ANO1: variants seen among roughly 807,000 people sequenced by gnomAD.
ANO1 encodes the protein anoctamin-1.
ANO1 carries 59 observed loss-of-function variants against 124.0 expected under a neutral mutation model. That is an observed-to-expected ratio of 0.48 (90% CI 0.39 to 0.59). The LOEUF is 0.59. Among genes scored for constraint, ANO1 ranks in the 20% least tolerant of loss-of-function variants. The pLI, the probability that ANO1 is intolerant of heterozygous loss-of-function variation, is 0.00. For synonymous variants in ANO1, 529 were observed against 532.0 expected, an observed-to-expected ratio of 0.99 and a Z score of 0.08; for missense variants, 1,059 against 1,328.0, an observed-to-expected ratio of 0.80 and a Z score of 3.15.
the ANO1 span, among the ~76,000 whole-genome samples, chr11:69,967,457 GC>G: frequency 6.6e-6 from 1 of 152,256 alleles, no homozygotes; most frequent in African/African-American, 2.4e-5. Context: ...TTGGGGCCAG[GC>G]CCCCGCATTC....
At chr11:69,984,545 T>C (rs1855993594), upstream of ANO1, among the ~76,000 whole-genome samples, 1 of 152,006 alleles carries the variant, frequency 6.6e-6, no homozygotes, top group African/African-American at 2.4e-5. Context: ...GCAGGAAACA[T>C]GTCTTTGTGG....
intron 1 of ANO1, among the ~76,000 whole-genome samples, chr11:70,002,618 C>T (rs1200840553): frequency 6.6e-6 from 1 of 152,220 alleles, no homozygotes; most frequent in Non-Finnish European, 1.5e-5. Flanking sequence ...TGTGTAAGAA[C>T]ACTCTATGTT....
chr11:70,149,937 C>A (rs1181066582), intron 12 of ANO1, 145 bp downstream of exon 12: 11 of 815,504 alleles, frequency 1.3e-5, no homozygotes, highest in Non-Finnish European at 1.6e-5. Context: ...TCCCCCACCC[C>A]CTGCCTGCCT....
At chr11:69,980,512 T>C in the ANO1 span, among the ~76,000 whole-genome samples, 11,402 of 151,662 alleles carry the variant, frequency 0.075, 757 homozygotes, top group Admixed American at 0.14. Flanking sequence ...TCCCAGCTAC[T>C]TGGGAGGCTG....
chr11:69,997,542 G>A (rs939119252), intron 1 of ANO1, among the ~76,000 whole-genome samples: 20 of 152,164 alleles, frequency 1.3e-4, no homozygotes, highest in South Asian at 2.1e-4. Context: ...CTCTCCCCCC[G>A]TCCCAACGGC....
At chr11:70,185,471 C>A in intron 24 of ANO1, 119 bp from the exon 25 acceptor site, 1 of 850,612 alleles carries the variant, frequency 1.2e-6, no homozygotes, top group Non-Finnish European at 1.8e-6. Context: ...GGCTGCCCTC[C>A]CGGAGGCAGC....
intron 1 of ANO1, among the ~76,000 whole-genome samples, chr11:70,036,657 G>C (rs1254907373): frequency 1.3e-5 from 2 of 152,096 alleles, no homozygotes; most frequent in Non-Finnish European, 2.9e-5. Context: ...GCCCAGGCTG[G>C]AGTGCAGTAG....
At chr11:69,992,108 G>A (rs1452784195) in intron 1 of ANO1, among the ~76,000 whole-genome samples, 1 of 152,218 alleles carries the variant, frequency 6.6e-6, no homozygotes, top group African/African-American at 2.4e-5. Context: ...GGCCATGGCA[G>A]GCCTGGTGAA....
At chr11:70,099,787 G>T (rs1333965926) in intron 2 of ANO1, among the ~76,000 whole-genome samples, 1 of 152,198 alleles carries the variant, frequency 6.6e-6, no homozygotes, top group Admixed American at 6.5e-5. Flanking sequence ...GTGATACCCA[G>T]TTTGCGATGA....
At position 70,111,717 on chromosome 11, in the gene ANO1, C is replaced by T; in HGVS notation, c.810C>T (p.Ser270=). 1 of 1,614,046 alleles carries T rather than the reference C, an allele frequency of 6.2e-7. No homozygotes were observed. The highest frequency in any genetic ancestry group is 1.1e-5 in the South Asian group (1 of 91,084). ...TKAKYSMGIT[S]LLANGVYAAA... The stretch of plus-strand genomic sequence containing the variant: ...GCCTCTGTTTTTAAGGCATCACGAG[C>T]CTGCTGGCCAATGGTGTGTACGCGG... The change falls in exon 7 of 26, where the codon AGC becomes AGT. Residue 270 remains serine (S), a synonymous_variant. Transcript: ENST00000355303.
chr11:70,175,298 C>T (rs1314658556), intron 22 of ANO1, among the ~76,000 whole-genome samples: 1 of 152,274 alleles, frequency 6.6e-6, no homozygotes, highest in Non-Finnish European at 1.5e-5. Flanking sequence ...GTCCGGTTGG[C>T]TGAAGGCATA....
chr11:70,173,353 T>A (rs1421585368), intron 22 of ANO1, among the ~76,000 whole-genome samples: 1 of 152,174 alleles, frequency 6.6e-6, no homozygotes, highest in Admixed American at 6.5e-5. Context: ...CTACATCACC[T>A]CTTCTCTGGG....
chr11:70,159,467 C>T (rs1035397707), intron 16 of ANO1, among the ~76,000 whole-genome samples: 3 of 152,224 alleles, frequency 2.0e-5, no homozygotes, highest in Non-Finnish European at 2.9e-5. Context: ...CCAGCCTTGA[C>T]GTACTGGTAA....
intron 1 of ANO1, among the ~76,000 whole-genome samples, chr11:70,023,911 GT>G (rs1389798659): frequency 1.3e-5 from 2 of 152,244 alleles, no homozygotes; most frequent in Non-Finnish European, 1.5e-5. Flanking sequence ...CCAAAGTCTT[GT>G]CGAGAAAATG....
At chr11:70,148,053 C>T (rs761257434) in intron 11 of ANO1, among the ~76,000 whole-genome samples, 4 of 152,210 alleles carry the variant, frequency 2.6e-5, no homozygotes, top group Admixed American at 1.3e-4. Flanking sequence ...ATTCGCACCT[C>T]GCCTTAAAGG....
At chr11:70,040,881 G>A (rs1202635727) in intron 1 of ANO1, among the ~76,000 whole-genome samples, 1 of 152,216 alleles carries the variant, frequency 6.6e-6, no homozygotes, top group Non-Finnish European at 1.5e-5. Context: ...ACAGAACTTA[G>A]AAGAAAAGGT....
intron 1 of ANO1, among the ~76,000 whole-genome samples, chr11:70,023,766 C>T (rs1436615488): frequency 6.6e-6 from 1 of 152,158 alleles, no homozygotes; most frequent in Non-Finnish European, 1.5e-5. Context: ...CCAGCATCTG[C>T]ATAGGAGTGT....
At chr11:69,999,060 A>G (rs1856330964) in intron 1 of ANO1, among the ~76,000 whole-genome samples, 1 of 152,026 alleles carries the variant, frequency 6.6e-6, no homozygotes, top group Non-Finnish European at 1.5e-5. Context: ...GATTTTTTAA[A>G]AAGAAAGAAA....
rs140812939 is a variant in ANO1, at chr11:70,017,166, G to A, written c.58+31000G>A. Among the ~76,000 whole-genome samples, 821 of 152,214 alleles carry A rather than the reference G, an allele frequency of 5.4e-3. 8 individuals carry two copies. Among genetic ancestry groups the A allele is most frequent in the African/African-American group, 0.018 (729 of 41,530 alleles). ...CAAGGTGTGTCTTCTCTCCCCATCC[G>A]GAGGAGGATGAGGCTTAGCGGTCCG... On this transcript the variant is annotated intron_variant, in intron 1 of 27. Coordinates refer to the ANO1 transcript ENST00000531349.
Sources: allele counts gnomAD v4.1 joint callset (sites outside exome capture counted in the v4.1 genomes callset), GRCh38; gene constraint gnomAD v4.1.1; transcripts MANE v1.5; gene names NCBI Gene and HGNC (gene_info 2026-07-23, HGNC 2026-07-21).